TBXAS1: variants seen among roughly 807,000 people sequenced by gnomAD.
TBXAS1 encodes the protein thromboxane-A synthase.
TBXAS1 carries 48 observed loss-of-function variants against 60.7 expected under a neutral mutation model. The observed-to-expected ratio is 0.79, with a 90% CI of 0.63 to 1.01. The LOEUF is 1.01. Among genes scored for constraint, TBXAS1 ranks in the 50% least tolerant of loss-of-function variants. The probability of loss-of-function intolerance (pLI) is 0.00; values close to 1 mark genes in which losing one functional copy is unlikely to be tolerated. For missense variants in TBXAS1, 685 were observed against 686.3 expected (o/e 1.00, Z 0.02); for synonymous variants, 287 against 269.7 (o/e 1.06, Z -0.63).
intron 4 of TBXAS1, among the ~76,000 whole-genome samples, chr7:139,814,946 C>T (rs1217241424): frequency 5.3e-5 from 8 of 152,176 alleles, no homozygotes; most frequent in Admixed American, 3.9e-4. Context: ...TCCCCTAGCA[C>T]CTGTCTCTGT....
chr7:139,802,268 G>A (rs926846123), intron 4 of TBXAS1, among the ~76,000 whole-genome samples: 8 of 152,044 alleles, frequency 5.3e-5, no homozygotes, highest in Non-Finnish European at 2.9e-5. Flanking sequence ...CACTTCTTGA[G>A]TGCTACGTGT....
At position 140,007,144 on chromosome 7, in the gene TBXAS1, G is replaced by T; in HGVS notation, c.1188G>T (p.Val396=). 4 of 1,614,164 alleles carry T rather than the reference G, an allele frequency of 2.5e-6. No individual in the cohort carries two copies. Among genetic ancestry groups the T allele is most frequent in the Non-Finnish European group, 3.4e-6 (4 of 1,180,032 alleles). ...LEEGLPYLDM[V]IAETLRMYPP... Reference sequence around the variant, plus strand: ...AAGGCCTGCCCTATCTGGACATGGTGATTGCAGAGACGCTGAGGATGTACC... The same window carrying T: ...AAGGCCTGCCCTATCTGGACATGGTTATTGCAGAGACGCTGAGGATGTACC... The change falls in exon 10 of 13, where the codon GTG becomes GTT. Residue 396 remains valine, a synonymous_variant. Coordinates refer to ENST00000448866, the MANE Select transcript of TBXAS1 (RefSeq NM_001061.7).
At chr7:139,907,797 A>G (rs1805219706) in intron 3 of TBXAS1, among the ~76,000 whole-genome samples, 1 of 152,108 alleles carries the variant, frequency 6.6e-6, no homozygotes, top group African/African-American at 2.4e-5. Flanking sequence ...AAATATGAAT[A>G]ATTAAATTTT....
chr7:139,872,243 C>T lies in TBXAS1; in HGVS notation c.98C>T (p.Thr33Ile), dbSNP rs1303682892. ...TCTGCTTTTCCCTCCAGGTACTCCA[C>T]ATCAGCATTCTCAAGACTGGAGAAG... is the stretch of plus-strand genomic sequence containing the variant. ...ALLALLKWYS[T>I]SAFSRLEKLG... Residue 33 changes from threonine (T) to isoleucine (I), a missense_variant, in exon 2 of 13, where the codon ACA becomes ATA. Thr to Ile is a moderately conservative substitution (Grantham distance 89). Transcript: ENST00000448866. The T allele has an allele frequency of 3.1e-6, 5 of 1,613,952 alleles. No individual in the cohort carries two copies. The highest frequency in any genetic ancestry group is 1.1e-5 in the South Asian group (1 of 91,078).
At chr7:139,819,978 G>T (rs1428189595) in intron 4 of TBXAS1, among the ~76,000 whole-genome samples, 1 of 151,810 alleles carries the variant, frequency 6.6e-6, no homozygotes, top group East Asian at 1.9e-4. Context: ...GCTCTGTAGT[G>T]GGACTTCCTG....
intron 9 of TBXAS1, among the ~76,000 whole-genome samples, chr7:140,006,872 G>C (rs1485109080): frequency 1.3e-5 from 2 of 152,132 alleles, no homozygotes; most frequent in African/African-American, 4.8e-5. Flanking sequence ...GTATTACGAA[G>C]ACCCCTGAGC....
At chr7:139,973,270 C>T (rs1811337763) in intron 9 of TBXAS1, among the ~76,000 whole-genome samples, 1 of 152,176 alleles carries the variant, frequency 6.6e-6, no homozygotes, top group South Asian at 2.1e-4. Flanking sequence ...ATGTCCCCTA[C>T]CGCTGCTATG....
chr7:139,805,702 C>CT (rs1170982957), intron 4 of TBXAS1, among the ~76,000 whole-genome samples: 1 of 42,514 alleles, frequency 2.4e-5, no homozygotes, highest in Admixed American at 3.3e-4. Context: ...TTCTTTCTTT[C>CT]TTTCTTTCTT....
intron 3 of TBXAS1, among the ~76,000 whole-genome samples, chr7:139,894,527 C>A (rs1234240764): frequency 6.6e-6 from 1 of 152,166 alleles, no homozygotes; most frequent in Non-Finnish European, 1.5e-5. Flanking sequence ...GGAAGTGAGA[C>A]CTGCGTTTAT....
Position 139,974,063 on chromosome 7 carries a change from A to G in TBXAS1, c.1134+11830A>G, listed in dbSNP as rs184334839. 5.0e-3 allele frequency among the ~76,000 whole-genome samples: 755 copies of G among 152,342 alleles called. 6 individuals are homozygous for G. The highest frequency in any genetic ancestry group is 7.2e-3 in the Non-Finnish European group (491 of 68,028). On this transcript the variant is annotated intron_variant, in intron 9 of 12. Coordinates refer to ENST00000448866, the MANE Select transcript of TBXAS1 (RefSeq NM_001061.7). The stretch of plus-strand genomic sequence containing the variant: ...ATTTTTGCAATGGGCTTAGTCTCCA[A>G]GACATTTTAATTAGTAATTTAAGAC...
At chr7:140,015,661 C>G in intron 10 of TBXAS1, 62 bp from the exon 11 acceptor site, 2 of 1,591,334 alleles carry the variant, frequency 1.3e-6, no homozygotes, top group South Asian at 2.2e-5. Context: ...CTGCCCAGCA[C>G]GCCCCAAGCT....
intron 10 of TBXAS1, among the ~76,000 whole-genome samples, chr7:140,011,285 C>CAAAAAAAAAA (rs749582672): frequency 1.6e-4 from 1 of 6,260 alleles, no homozygotes; most frequent in African/African-American, 2.7e-4. Flanking sequence ...TCAAAAAAAA[C>CAAAAAAAAAA]AAACAAACAA....
At chr7:139,879,481 G>A (rs1427589186) in intron 3 of TBXAS1, among the ~76,000 whole-genome samples, 2 of 152,052 alleles carry the variant, frequency 1.3e-5, no homozygotes, top group Admixed American at 1.3e-4. Context: ...ATGATTACTT[G>A]TTATCTCCTT....
At chr7:139,838,691 A>G (rs1302975694) in intron 1 of TBXAS1, among the ~76,000 whole-genome samples, 2 of 152,122 alleles carry the variant, frequency 1.3e-5, no homozygotes, top group Non-Finnish European at 2.9e-5. Context: ...CACTGTTTTA[A>G]ACTAGGCACA....
chr7:139,988,389 C>T (rs954332546), intron 9 of TBXAS1, among the ~76,000 whole-genome samples: 5 of 152,226 alleles, frequency 3.3e-5, no homozygotes, highest in South Asian at 2.1e-4. Flanking sequence ...TGACCACAGA[C>T]TCACAGTCAT....
At chr7:139,932,808 G>A (rs977250704) in intron 4 of TBXAS1, among the ~76,000 whole-genome samples, 2 of 152,178 alleles carry the variant, frequency 1.3e-5, no homozygotes, top group African/African-American at 4.8e-5. Flanking sequence ...TGTAATCCCA[G>A]CACTTTGGGA....
Position 139,872,147 on chromosome 7 carries a change from G to A in TBXAS1, c.90-88G>A. 2 of 1,350,476 alleles carry A rather than the reference G, an allele frequency of 1.5e-6. 1 individual carries two copies. The allele number at this position is 1,350,476 out of a possible 1,614,324, so 83.7% of individuals were successfully genotyped here. ...ACCTATTCTTTTGCCTTTACTTCCA[G>A]AGAGCTCAGTAATTCTAGTTCCTAA... is the stretch of plus-strand genomic sequence containing the variant. On this transcript the variant is annotated intron_variant, in intron 1 of 12. Transcript: ENST00000448866.
Position 139,975,982 on chromosome 7 carries a change from T to C in TBXAS1, c.1134+13749T>C, listed in dbSNP as rs1443555418. ...TGCCTTTCTCACTTCCATTTGTAAA[T>C]GATCTTGTCTCCTTCCTTGTAGAAA... On this transcript the variant is annotated intron_variant, in intron 9 of 12. Coordinates refer to ENST00000448866, the MANE Select transcript of TBXAS1 (RefSeq NM_001061.7). This position sits in a 1 kb window ranked among gnomAD's most constrained non-coding sequence, Gnocchi z 4.4. 6.6e-6 allele frequency among the ~76,000 whole-genome samples: 1 copy of C among 152,250 alleles called. No individual in the cohort carries two copies. Among genetic ancestry groups the C allele is most frequent in the Admixed American group, 6.5e-5 (1 of 15,290 alleles).
intron 3 of TBXAS1, among the ~76,000 whole-genome samples, chr7:139,905,057 T>TTCTTTCTTTCTTTCTC (rs1247644902): frequency 1.1e-3 from 123 of 107,496 alleles, no homozygotes; most frequent in Non-Finnish European, 1.5e-3. Flanking sequence ...CTTTCTTTCT[T>TTCTTTCTTTCTTTCTC]TCTCTCTCTC....
Sources: gnomAD v4.1 joint callset for allele counts (sites outside exome capture counted in the v4.1 genomes callset) on GRCh38, gnomAD v4.1.1 for gene constraint, Gnocchi (gnomAD v3.1) non-coding constraint, MANE v1.5 for transcripts, NCBI Gene and HGNC (gene_info 2026-07-23, HGNC 2026-07-21) for gene names.